ST6GALNAC3: variants seen among roughly 807,000 people sequenced by gnomAD.
ST6GALNAC3 encodes the protein ST6 N-acetylgalactosaminide alpha-2,6-sialyltransferase 3, also known as alpha-N-acetylgalactosaminide alpha-2,6-sialyltransferase 3.
Under a neutral mutation model 32.7 loss-of-function variants are expected in ST6GALNAC3, and 25 were observed. The ratio of observed to expected loss-of-function variants is 0.76; its 90% confidence interval spans 0.56 to 1.07. The LOEUF (loss-of-function observed/expected upper bound fraction) is 1.07. Among genes scored for constraint, ST6GALNAC3 ranks in the 50% least tolerant of loss-of-function variants. The probability of loss-of-function intolerance (pLI) is 0.00; values close to 1 mark genes in which losing one functional copy is unlikely to be tolerated. For synonymous variants in ST6GALNAC3, 129 were observed against 133.1 expected (o/e 0.97, Z 0.21); for missense variants, 355 against 382.4 (o/e 0.93, Z 0.60).
At chr1:76,120,178 G>T (rs1648775656) in intron 1 of ST6GALNAC3, among the ~76,000 whole-genome samples, 1 of 152,234 alleles carries the variant, frequency 6.6e-6, no homozygotes. Flanking sequence ...TTAAATATAA[G>T]CTCGTCACAG....
chr1:76,616,897 A>G (rs1011669257), intron 3 of ST6GALNAC3, among the ~76,000 whole-genome samples: 1 of 152,210 alleles, frequency 6.6e-6, no homozygotes, highest in African/African-American at 2.4e-5. Context: ...TGGCTGTAAA[A>G]TTAGCCTTTC....
chr1:76,551,295 T>C (rs1248628111), intron 3 of ST6GALNAC3, among the ~76,000 whole-genome samples: 6 of 152,186 alleles, frequency 3.9e-5, no homozygotes. Flanking sequence ...ACAAATGTCA[T>C]TGCATTGACA....
intron 3 of ST6GALNAC3, among the ~76,000 whole-genome samples, chr1:76,511,603 T>A (rs1309541601): frequency 6.6e-6 from 1 of 152,192 alleles, no homozygotes; most frequent in Non-Finnish European, 1.5e-5. Flanking sequence ...TTTCCAGCCC[T>A]TGTGCAGTAC....
intron 1 of ST6GALNAC3, among the ~76,000 whole-genome samples, chr1:76,090,325 A>T (rs1647026911): frequency 6.6e-6 from 1 of 152,248 alleles, no homozygotes; most frequent in South Asian, 2.1e-4. Flanking sequence ...TGCTTAGTTC[A>T]GGTCAGACCT....
chr1:76,542,476 TTAAC>T (rs1304265716), intron 3 of ST6GALNAC3, among the ~76,000 whole-genome samples: 7 of 152,292 alleles, frequency 4.6e-5, no homozygotes, highest in African/African-American at 1.7e-4. Flanking sequence ...ATTGCCTGGT[TTAAC>T]TAGCCTCAGG....
intron 1 of ST6GALNAC3, among the ~76,000 whole-genome samples, chr1:76,220,520 T>C: frequency 6.6e-6 from 1 of 152,192 alleles, no homozygotes; most frequent in East Asian, 1.9e-4. Context: ...ACTCAGGCCT[T>C]CACAGATCTT....
At chr1:76,485,581 T>C (rs1335507438) in intron 3 of ST6GALNAC3, among the ~76,000 whole-genome samples, 1 of 152,202 alleles carries the variant, frequency 6.6e-6, no homozygotes, top group Non-Finnish European at 1.5e-5. Flanking sequence ...CCCTTTATGA[T>C]TTTTTATTGT....
At chr1:76,542,863 T>C (rs1481821640) in intron 3 of ST6GALNAC3, among the ~76,000 whole-genome samples, 1 of 152,200 alleles carries the variant, frequency 6.6e-6, no homozygotes, top group Non-Finnish European at 1.5e-5. Flanking sequence ...TTACACATGG[T>C]AGTGGTAGAA....
intron 3 of ST6GALNAC3, among the ~76,000 whole-genome samples, chr1:76,627,110 TAGAC>T (rs2100724061): frequency 6.6e-6 from 1 of 152,018 alleles, no homozygotes; most frequent in African/African-American, 2.4e-5. Context: ...TTTCCTCTGA[TAGAC>T]AGGACTAATT....
intron 1 of ST6GALNAC3, among the ~76,000 whole-genome samples, chr1:76,119,012 G>A (rs375388141): frequency 3.3e-5 from 5 of 152,058 alleles, no homozygotes; most frequent in African/African-American, 7.2e-5. Flanking sequence ...TAGTAGAGAC[G>A]GGGTTTCACC....
At chr1:76,270,507 CAAAAA>C (rs34410935) in intron 1 of ST6GALNAC3, among the ~76,000 whole-genome samples, 1 of 64,116 alleles carries the variant, frequency 1.6e-5, no homozygotes, top group Non-Finnish European at 2.9e-5. Context: ...AACTCTGTCT[CAAAAA>C]AAAAAAAAAA....
At chr1:76,609,954 A>C (rs999088585) in intron 3 of ST6GALNAC3, among the ~76,000 whole-genome samples, 1 of 152,132 alleles carries the variant, frequency 6.6e-6, no homozygotes, top group Admixed American at 6.5e-5. Context: ...AAGAGTGCTA[A>C]GTTGGTTAGG....
intron 3 of ST6GALNAC3, among the ~76,000 whole-genome samples, chr1:76,585,168 T>C (rs1287163081): frequency 6.6e-6 from 1 of 152,122 alleles, no homozygotes; most frequent in East Asian, 1.9e-4. Flanking sequence ...GCGGATCACC[T>C]GAGGTCAGGA....
At chr1:76,566,834 G>T (rs555837787) in intron 3 of ST6GALNAC3, among the ~76,000 whole-genome samples, 2 of 152,238 alleles carry the variant, frequency 1.3e-5, no homozygotes, top group East Asian at 3.9e-4. Flanking sequence ...TGAATGTTCA[G>T]CACCTAGAAT....
intron 3 of ST6GALNAC3, among the ~76,000 whole-genome samples, chr1:76,415,473 C>T (rs965766996): frequency 3.3e-5 from 5 of 151,872 alleles, no homozygotes; most frequent in South Asian, 2.1e-4. Flanking sequence ...TCTCTATAGG[C>T]GTCCACTATT....
chr1:76,578,653 A>G lies in ST6GALNAC3; in HGVS notation c.624-48799A>G, dbSNP rs954965391. ...GGCTAAAATAAACCTAGACACAGAT[A>G]TTTGATAGTGTAGAATTCCCTTAAT... is the stretch of plus-strand genomic sequence containing the variant. On this transcript the variant is annotated intron_variant, in intron 3 of 4. Transcript: ENST00000328299. Among the ~76,000 whole-genome samples the G allele has an allele frequency of 2.6e-5, 4 of 152,002 alleles. No individual in the cohort carries two copies. In the East Asian group the frequency reaches 7.7e-4, roughly 29 times the overall value.
chr1:76,637,230 C>T (rs1240950608), downstream of ST6GALNAC3: 4 of 152,058 alleles, frequency 2.6e-5, no homozygotes, highest in Admixed American at 2.0e-4. Flanking sequence ...AATTTTCCTA[C>T]AAATGTCTAA....
intron 1 of ST6GALNAC3, among the ~76,000 whole-genome samples, chr1:76,168,470 A>G (rs889877900): frequency 6.6e-6 from 1 of 152,204 alleles, no homozygotes; most frequent in African/African-American, 2.4e-5. Flanking sequence ...AGTTCTGTAG[A>G]TGTCTATCAG....
intron 3 of ST6GALNAC3, among the ~76,000 whole-genome samples, chr1:76,571,593 T>C (rs1400171862): frequency 1.3e-5 from 2 of 152,144 alleles, no homozygotes; most frequent in Non-Finnish European, 2.9e-5. Flanking sequence ...TATCTTATAT[T>C]ATAAATGCAA....
Sources: gnomAD v4.1 joint callset for allele counts (sites outside exome capture counted in the v4.1 genomes callset) on GRCh38, gnomAD v4.1.1 for gene constraint, MANE v1.5 for transcripts, NCBI Gene and HGNC (gene_info 2026-07-23, HGNC 2026-07-21) for gene names.